The following MCM9 variants were observed in gnomAD, a reference collection of about 807,000 sequenced individuals.
The protein encoded by MCM9 is DNA helicase MCM9.
Under a neutral mutation model 72.8 loss-of-function variants are expected in MCM9, and 55 were observed. The observed-to-expected ratio is 0.76, with a 90% CI of 0.61 to 0.95. The LOEUF (loss-of-function observed/expected upper bound fraction) is 0.95, where lower values mean the gene tolerates loss of function less well. MCM9 is among the 40% of genes least tolerant of loss of function. The pLI is 0.00. For synonymous variants in MCM9, 480 were observed against 503.4 expected (o/e 0.95, Z 0.62); for missense variants, 1,279 against 1,377.0 (o/e 0.93, Z 1.13).
chr6:118,820,007 T>C (rs1773687854), intron 13 of MCM9, among the ~76,000 whole-genome samples: 1 of 152,196 alleles, frequency 6.6e-6, no homozygotes, highest in African/African-American at 2.4e-5. Flanking sequence ...TTGATTCTTC[T>C]CTCTTTTCTG....
At chr6:118,907,352 G>T in intron 8 of MCM9, 1 of 1,311,812 alleles carries the variant, frequency 7.6e-7, no homozygotes, top group Non-Finnish European at 1.1e-6. Context: ...TGTATATGGT[G>T]ATTTAACTTT....
intron 8 of MCM9, among the ~76,000 whole-genome samples, chr6:118,861,723 G>A (rs1356846161): frequency 1.3e-5 from 2 of 152,190 alleles, no homozygotes; most frequent in African/African-American, 2.4e-5. Flanking sequence ...GGAAGTGCAT[G>A]CTGACTGGTC....
At chr6:118,923,438 C>T (rs1781602065) in intron 4 of MCM9, among the ~76,000 whole-genome samples, 1 of 152,124 alleles carries the variant, frequency 6.6e-6, no homozygotes, top group Non-Finnish European at 1.5e-5. Flanking sequence ...GCACAAGCCA[C>T]CATGCCTGGC....
At chr6:118,849,606 A>G (rs1375736785) in intron 9 of MCM9, among the ~76,000 whole-genome samples, 2 of 151,832 alleles carry the variant, frequency 1.3e-5, no homozygotes, top group Non-Finnish European at 2.9e-5. Flanking sequence ...TCTGACCACA[A>G]TGGGATAAAA....
At chr6:118,907,422 A>T in intron 8 of MCM9, 1 of 1,604,204 alleles carries the variant, frequency 6.2e-7, no homozygotes, top group Non-Finnish European at 8.5e-7. Flanking sequence ...ATATTTTGGC[A>T]TCTAATCCCA....
chr6:118,833,541 G>C (rs1224189107), intron 9 of MCM9, among the ~76,000 whole-genome samples: 3 of 152,154 alleles, frequency 2.0e-5, no homozygotes, highest in Non-Finnish European at 4.4e-5. Flanking sequence ...GGCGTACATA[G>C]ATAAAGGAAT....
At chr6:118,915,303 C>T (rs537011834) in intron 6 of MCM9, among the ~76,000 whole-genome samples, 2 of 152,246 alleles carry the variant, frequency 1.3e-5, no homozygotes, top group Admixed American at 1.3e-4. Flanking sequence ...AGTTCTAGAC[C>T]ATGTCAATAG....
chr6:118,846,126 T>C (rs1029166665), intron 9 of MCM9, among the ~76,000 whole-genome samples: 4 of 151,862 alleles, frequency 2.6e-5, no homozygotes, highest in Non-Finnish European at 5.9e-5. Context: ...CTTTAAAAAA[T>C]GAAATGTTGA....
chr6:118,920,069 C>G (rs1018160787), intron 5 of MCM9: 1 of 152,252 alleles, frequency 6.6e-6, no homozygotes, highest in Non-Finnish European at 1.5e-5. Flanking sequence ...ATTTCCAGTA[C>G]AGAAAGAATT....
rs976988936 is a variant in MCM9 at position 118,849,109 on chromosome 6, G to C, written c.1325+7262C>G. Among the ~76,000 whole-genome samples the C allele has an allele frequency of 3.3e-5, 5 of 151,836 alleles. 1 individual carries two copies. Among genetic ancestry groups the C allele is most frequent in the Non-Finnish European group, 5.9e-5 (4 of 68,028 alleles). On this transcript the variant is annotated intron_variant, in intron 9 of 13. Coordinates refer to ENST00000619706, the MANE Select transcript of MCM9 (RefSeq NM_017696.3). ...ATTCTACGCTGCATACAAAAGAACAGATTGAAATCAAAAGGCTAAACATAA... is the reference window on the plus strand; with the variant it reads ...ATTCTACGCTGCATACAAAAGAACACATTGAAATCAAAAGGCTAAACATAA...
chr6:118,894,942 G>A (rs1289304631), intron 8 of MCM9, among the ~76,000 whole-genome samples: 1 of 152,158 alleles, frequency 6.6e-6, no homozygotes, highest in Non-Finnish European at 1.5e-5. Flanking sequence ...CGGCGAGTTC[G>A]GAGCGGAGCC....
intron 8 of MCM9, among the ~76,000 whole-genome samples, chr6:118,900,155 AT>A (rs1414665580): frequency 7.2e-5 from 11 of 152,036 alleles, no homozygotes; most frequent in African/African-American, 2.4e-4. Context: ...AATTTAAAGA[AT>A]GTATGACACA....
chr6:118,861,755 C>T lies in MCM9; in HGVS notation c.1151-5210G>A, dbSNP rs566416668. Among the ~76,000 whole-genome samples, 3 of 152,294 alleles carry T rather than the reference C, an allele frequency of 2.0e-5. No homozygotes were observed. The South Asian group carries it at 6.2e-4, about 32-fold the overall frequency. On this transcript the variant is annotated intron_variant, in intron 8 of 13. Coordinates refer to ENST00000619706, the MANE Select transcript of MCM9 (RefSeq NM_017696.3). The stretch of plus-strand genomic sequence containing the variant: ...GGTCCACGGGTGGACCTGGAAAAAG[C>T]ACCATAAGTTCTCACTTCAGGTTGT...
chr6:118,862,019 A>C (rs1776937790), intron 8 of MCM9, among the ~76,000 whole-genome samples: 1 of 152,230 alleles, frequency 6.6e-6, no homozygotes, highest in Non-Finnish European at 1.5e-5. Flanking sequence ...CAGCACCCAC[A>C]GTTTCAGAAG....
Position 118,905,589 on chromosome 6 carries a change from G to A in MCM9, c.1150+6061C>T, listed in dbSNP as rs1780127378. On this transcript the variant is annotated intron_variant, in intron 8 of 13. Transcript: ENST00000619706. Reference sequence around the variant, plus strand: ...ATGGTTCTAGGTAACTGAAACTCCAGTCTTGCCTGCCACTAACAGCCTTTT... The same window carrying A: ...ATGGTTCTAGGTAACTGAAACTCCAATCTTGCCTGCCACTAACAGCCTTTT... The A allele has an allele frequency of 6.5e-6, 9 of 1,385,928 alleles. No individual in the cohort carries two copies. In the East Asian group the frequency reaches 2.2e-4, roughly 33 times the overall value. The allele number at this position is 1,385,928 out of a possible 1,614,324, so 85.9% of individuals were successfully genotyped here. A position where few individuals can be genotyped will look rare whatever the true frequency, so the allele number is the denominator to read the frequency against.
rs375201929 is a variant in MCM9 at position 118,888,419 on chromosome 6, A to C, written c.1150+23231T>G. 7.6e-3 allele frequency among the ~76,000 whole-genome samples: 1,154 copies of C among 152,208 alleles called. 8 individuals carry two copies. Among genetic ancestry groups the C allele is most frequent in the South Asian group, 0.029 (142 of 4,820 alleles). The stretch of plus-strand genomic sequence containing the variant: ...GGAGAATGGTGTGAACCTGGGAGGC[A>C]GAGCTTGCAGTGAGCCGAGATCACG... On this transcript the variant is annotated intron_variant, in intron 8 of 13. Transcript: ENST00000619706.
At chr6:118,915,615 C>T (rs1780879203) in intron 6 of MCM9, among the ~76,000 whole-genome samples, 1 of 152,122 alleles carries the variant, frequency 6.6e-6, no homozygotes, top group Admixed American at 6.6e-5. Context: ...CATTCTCCAG[C>T]TTTAGACCAG....
chr6:118,895,216 G>C (rs1779299478), intron 8 of MCM9, among the ~76,000 whole-genome samples: 1 of 151,950 alleles, frequency 6.6e-6, no homozygotes, highest in African/African-American at 2.4e-5. Context: ...CTGGGCGCCG[G>C]CGCTCCCCGG....
At chr6:118,863,527 A>G (rs1777034100) in intron 8 of MCM9, among the ~76,000 whole-genome samples, 1 of 152,246 alleles carries the variant, frequency 6.6e-6, no homozygotes, top group Non-Finnish European at 1.5e-5. Context: ...AATATGGCAC[A>G]TGTTATGGTC....
Sources: gnomAD v4.1 joint callset for allele counts (sites outside exome capture counted in the v4.1 genomes callset) on GRCh38, gnomAD v4.1.1 for gene constraint, MANE v1.5 for transcripts, NCBI Gene and HGNC (gene_info 2026-07-23, HGNC 2026-07-21) for gene names.